Variants in ZNF804B observed in about 807,000 individuals in gnomAD.
ZNF804B encodes zinc finger 804B.
ZNF804B carries 80 observed loss-of-function variants against 101.4 expected under a neutral mutation model. That is an observed-to-expected ratio of 0.79 (90% CI 0.66 to 0.95). The LOEUF (loss-of-function observed/expected upper bound fraction) is 0.95, where lower values mean the gene tolerates loss of function less well. ZNF804B is among the 40% of genes least tolerant of loss of function. The probability of loss-of-function intolerance (pLI) is 0.00; values close to 1 mark genes in which losing one functional copy is unlikely to be tolerated. For synonymous variants in ZNF804B, 622 were observed against 558.8 expected (o/e 1.11, Z -1.59); for missense variants, 1,673 against 1,561.9 (o/e 1.07, Z -1.20).
Position 88,796,998 on chromosome 7 carries a change from A to T in ZNF804B, c.108+36914A>T, listed in dbSNP as rs1790496273. Among the ~76,000 whole-genome samples, 3 of 152,114 alleles carry T rather than the reference A, an allele frequency of 2.0e-5. No homozygotes were observed. In the South Asian group the frequency reaches 6.2e-4, roughly 31 times the overall value. On this transcript the variant is annotated intron_variant, in intron 1 of 3. Transcript: ENST00000333190. Reference sequence around the variant, plus strand: ...CTCAAATTATTATCTCCAGTCACTTATTCACAACTCTTCTCTCCTTGGATG... The same window carrying T: ...CTCAAATTATTATCTCCAGTCACTTTTTCACAACTCTTCTCTCCTTGGATG...
intron 1 of ZNF804B, among the ~76,000 whole-genome samples, chr7:89,048,659 A>G (rs1789152048): frequency 1.3e-5 from 2 of 151,970 alleles, no homozygotes; most frequent in Admixed American, 6.6e-5. Flanking sequence ...GTATTTTGAA[A>G]GATGGTCTTG....
At chr7:89,302,021 A>T (rs1000286253) in intron 2 of ZNF804B, among the ~76,000 whole-genome samples, 1 of 151,928 alleles carries the variant, frequency 6.6e-6, no homozygotes, top group Admixed American at 6.6e-5. Context: ...AGCTTGAACT[A>T]TCAACTTGAA....
intron 1 of ZNF804B, among the ~76,000 whole-genome samples, chr7:88,784,358 G>A (rs1790269117): frequency 6.6e-6 from 1 of 152,148 alleles, no homozygotes; most frequent in Non-Finnish European, 1.5e-5. Context: ...CTAAACAAAT[G>A]TTTATTAAGA....
At position 88,977,844 on chromosome 7, in the gene ZNF804B, CT is replaced by C. The variant is rs1199032012; in HGVS notation, c.108+217768del. Among the ~76,000 whole-genome samples the C allele has an allele frequency of 2.7e-5, 4 of 150,766 alleles. No homozygotes were observed. The South Asian group carries it at 8.3e-4, about 31-fold the overall frequency. On this transcript the variant is annotated intron_variant, in intron 1 of 3. Transcript: ENST00000333190. ...TTAGGTTGTGTATTTAAAGTTTTTT[CT>C]TTTTTTTAATGTTTGCCCTTATTAC...
intron 2 of ZNF804B, among the ~76,000 whole-genome samples, chr7:89,319,578 C>T (rs38959): frequency 0.11 from 16,933 of 152,088 alleles, 973 homozygotes; most frequent in Non-Finnish European, 0.12. Flanking sequence ...CCTGTTTACG[C>T]GTGAAAACAT....
rs1791093086 is a variant in ZNF804B, at chr7:89,336,463, C to T, written c.3481C>T (p.Leu1161=). The T allele has an allele frequency of 1.2e-6, 2 of 1,614,006 alleles. No individual in the cohort carries two copies. The highest frequency in any genetic ancestry group is 3.3e-5 in the Admixed American group (2 of 59,966). ...SPDEIDKYKI[L]QLQAQQHMQK... is the part of the protein sequence containing the mutation. ...TGACGAAATAGATAAATATAAGATCCTACAGCTACAAGCCCAGCAGCATAT... is the reference window on the plus strand; with the variant it reads ...TGACGAAATAGATAAATATAAGATCTTACAGCTACAAGCCCAGCAGCATAT... The change falls in exon 4 of 4, where the codon CTA becomes TTA. Residue 1161 remains leucine (L), a synonymous_variant. Transcript: ENST00000333190.
intron 1 of ZNF804B, among the ~76,000 whole-genome samples, chr7:89,018,475 A>AG (rs1788606903): frequency 1.5e-5 from 1 of 67,734 alleles, no homozygotes; most frequent in Non-Finnish European, 2.8e-5. Context: ...GTTTTTATGG[A>AG]GTTTTTTTGT....
chr7:88,854,520 T>TCCTTTCCTTTCCTTC (rs1791517856), intron 1 of ZNF804B, among the ~76,000 whole-genome samples: 1 of 61,232 alleles, frequency 1.6e-5, no homozygotes, highest in Non-Finnish European at 2.9e-5. Context: ...TCCTTTCCTT[T>TCCTTTCCTTTCCTTC]CCTTCCTTTC....
intron 2 of ZNF804B, among the ~76,000 whole-genome samples, chr7:89,231,062 A>T (rs1789184757): frequency 6.6e-6 from 1 of 152,012 alleles, no homozygotes; most frequent in African/African-American, 2.4e-5. Flanking sequence ...TATTTCTCTG[A>T]ATATTTTATA....
At chr7:88,938,007 G>T in intron 1 of ZNF804B, among the ~76,000 whole-genome samples, 1 of 152,172 alleles carries the variant, frequency 6.6e-6, no homozygotes, top group South Asian at 2.1e-4. Flanking sequence ...TGGTAGGGGC[G>T]CAGATTGGTT....
intron 2 of ZNF804B, among the ~76,000 whole-genome samples, chr7:89,258,584 C>T (rs1428024701): frequency 6.6e-6 from 1 of 152,036 alleles, no homozygotes. Flanking sequence ...TACCCTTGAA[C>T]AAATGGGGGT....
chr7:88,872,375 C>T (rs1791840645), intron 1 of ZNF804B, among the ~76,000 whole-genome samples: 1 of 152,054 alleles, frequency 6.6e-6, no homozygotes, highest in Non-Finnish European at 1.5e-5. Flanking sequence ...TATGATTGCG[C>T]CACTTCACTC....
chr7:89,043,041 G>A (rs1789041165), intron 1 of ZNF804B, among the ~76,000 whole-genome samples: 1 of 152,058 alleles, frequency 6.6e-6, no homozygotes, highest in Admixed American at 6.6e-5. Flanking sequence ...CTTTGGGCAG[G>A]AATTGTATGT....
chr7:89,189,343 T>A (rs1433062325), intron 1 of ZNF804B, among the ~76,000 whole-genome samples: 4 of 152,096 alleles, frequency 2.6e-5, no homozygotes, highest in Non-Finnish European at 5.9e-5. Context: ...TGAAGATGTA[T>A]AAGGAGACTG....
At chr7:89,293,019 A>G (rs1220344028) in intron 2 of ZNF804B, among the ~76,000 whole-genome samples, 1 of 152,120 alleles carries the variant, frequency 6.6e-6, no homozygotes, top group Non-Finnish European at 1.5e-5. Context: ...TCCTGTGATT[A>G]TATACATCTG....
intron 1 of ZNF804B, among the ~76,000 whole-genome samples, chr7:88,775,848 TTGTGA>T (rs1790133116): frequency 6.6e-6 from 1 of 152,170 alleles, no homozygotes; most frequent in South Asian, 2.1e-4. Flanking sequence ...GAAAATAAAA[TTGTGA>T]TGTGTGTAGG....
At chr7:89,140,110 A>G (rs1790694058) in intron 1 of ZNF804B, among the ~76,000 whole-genome samples, 1 of 152,100 alleles carries the variant, frequency 6.6e-6, no homozygotes, top group Non-Finnish European at 1.5e-5. Context: ...GAGAAACAGG[A>G]TGACCAAATA....
chr7:89,166,634 T>G (rs1791148147), intron 1 of ZNF804B, among the ~76,000 whole-genome samples: 1 of 152,186 alleles, frequency 6.6e-6, no homozygotes, highest in Admixed American at 6.6e-5. Context: ...TTTTTGAGAG[T>G]ACTTTGAGCA....
chr7:89,086,046 G>A (rs1276379084), intron 1 of ZNF804B, among the ~76,000 whole-genome samples: 1 of 151,838 alleles, frequency 6.6e-6, no homozygotes, highest in Non-Finnish European at 1.5e-5. Flanking sequence ...AATCTTCCAT[G>A]ACTTAATCTA....
Sources: allele counts gnomAD v4.1 joint callset (sites outside exome capture counted in the v4.1 genomes callset), GRCh38; gene constraint gnomAD v4.1.1; transcripts MANE v1.5; gene names NCBI Gene and HGNC (gene_info 2026-07-23, HGNC 2026-07-21).